Variants in AP3B1 observed in about 807,000 individuals in gnomAD.
AP3B1 encodes adaptor related protein complex 3 subunit beta 1.
Under a neutral mutation model 132.5 loss-of-function variants are expected in AP3B1, and 61 were observed. The ratio of observed to expected loss-of-function variants is 0.46; its 90% CI spans 0.37 to 0.57. AP3B1 has a LOEUF of 0.57. Among genes scored for constraint, AP3B1 ranks in the 20% least tolerant of loss-of-function variants. The pLI, the probability that AP3B1 is intolerant of heterozygous loss-of-function variation, is 0.00. For missense variants in AP3B1, 1,120 were observed against 1,289.4 expected (o/e 0.87, Z 2.01); for synonymous variants, 388 against 438.3 (o/e 0.89, Z 1.43).
intron 26 of AP3B1, among the ~76,000 whole-genome samples, chr5:78,006,456 C>T (rs185223064): frequency 4.6e-5 from 7 of 152,240 alleles, no homozygotes; most frequent in Non-Finnish European, 7.4e-5. Flanking sequence ...TGTAGTAATG[C>T]GTAATTCAAA....
intron 13 of AP3B1, among the ~76,000 whole-genome samples, chr5:78,161,596 T>C (rs903655188): frequency 6.6e-6 from 1 of 151,992 alleles, no homozygotes; most frequent in African/African-American, 2.4e-5. Flanking sequence ...TAGAAAGAGA[T>C]AGAATGGATG....
intron 12 of AP3B1, among the ~76,000 whole-genome samples, chr5:78,163,579 A>ATGTGTGTGTGTGTATATATATATG: frequency 6.8e-6 from 1 of 147,370 alleles, no homozygotes; most frequent in African/African-American, 2.5e-5. Context: ...TAAAGGGTAT[A>ATGTGTGTGTGTGTATATATATATG]TGTGTGTGTG....
At chr5:78,212,109 A>G (rs2112470255) in intron 7 of AP3B1, among the ~76,000 whole-genome samples, 1 of 152,248 alleles carries the variant, frequency 6.6e-6, no homozygotes, top group East Asian at 1.9e-4. Context: ...CCGAAACCCC[A>G]TCTCTACTAA....
intron 3 of AP3B1, among the ~76,000 whole-genome samples, chr5:78,232,466 G>T (rs1746686957): frequency 6.6e-6 from 1 of 152,116 alleles, no homozygotes; most frequent in Non-Finnish European, 1.5e-5. Flanking sequence ...ATCTACAGAT[G>T]ATATCAACCC....
chr5:78,084,966 C>T (rs934021147), intron 22 of AP3B1, among the ~76,000 whole-genome samples: 9 of 151,896 alleles, frequency 5.9e-5, no homozygotes, highest in African/African-American at 2.2e-4. Flanking sequence ...TACAAAATTC[C>T]TTAAATTGTT....
At chr5:78,179,428 G>A (rs932423035) in intron 8 of AP3B1, among the ~76,000 whole-genome samples, 1 of 151,948 alleles carries the variant, frequency 6.6e-6, no homozygotes, top group Non-Finnish European at 1.5e-5. Flanking sequence ...CTTTTTCCTC[G>A]GTATTTAGAA....
At chr5:78,126,255 A>G (rs1752449690) in intron 17 of AP3B1, among the ~76,000 whole-genome samples, 1 of 152,118 alleles carries the variant, frequency 6.6e-6, no homozygotes, top group Non-Finnish European at 1.5e-5. Flanking sequence ...CTGTAATCCC[A>G]GCACTTTGGT....
intron 6 of AP3B1, among the ~76,000 whole-genome samples, chr5:78,223,937 A>G (rs1424042011): frequency 1.3e-5 from 2 of 152,140 alleles, no homozygotes; most frequent in African/African-American, 4.8e-5. Context: ...CATCCAAAGA[A>G]TTTCTCTTAG....
intron 7 of AP3B1, among the ~76,000 whole-genome samples, chr5:78,212,315 C>A (rs1745774079): frequency 6.6e-6 from 1 of 151,914 alleles, no homozygotes; most frequent in Admixed American, 6.6e-5. Flanking sequence ...GAAAGTACAG[C>A]AAAAATGATA....
chr5:78,027,334 G>A (rs7717479), intron 24 of AP3B1, among the ~76,000 whole-genome samples: 152,096 of 152,252 alleles, frequency 1, 75,974 homozygotes, highest in Middle Eastern at 1. Flanking sequence ...TGCATGGTCT[G>A]TTCTTTCCCC....
At chr5:78,261,755 C>T (rs943224201) in intron 2 of AP3B1, among the ~76,000 whole-genome samples, 2 of 97,710 alleles carry the variant, frequency 2.0e-5, no homozygotes, top group African/African-American at 3.6e-5. Context: ...CATGAGCCAC[C>T]GGTTGTTGTT....
At chr5:78,164,671 A>T (rs1309602128) in intron 12 of AP3B1, among the ~76,000 whole-genome samples, 1 of 152,184 alleles carries the variant, frequency 6.6e-6, no homozygotes, top group Non-Finnish European at 1.5e-5. Flanking sequence ...TTTTTAAGAA[A>T]TTTGTCTAGA....
At chr5:78,229,649 G>A (rs1025146617) in intron 3 of AP3B1, among the ~76,000 whole-genome samples, 2 of 151,920 alleles carry the variant, frequency 1.3e-5, no homozygotes, top group Non-Finnish European at 1.5e-5. Context: ...TGAGATGGGA[G>A]AGTCACCTGA....
chr5:78,099,723 G>A (rs372016686), intron 21 of AP3B1, among the ~76,000 whole-genome samples: 90 of 151,960 alleles, frequency 5.9e-4, no homozygotes, highest in African/African-American at 2.1e-3. Flanking sequence ...AGTGAAACCC[G>A]CCTCTACTAA....
intron 22 of AP3B1, chr5:78,043,522 A>T (rs899199426): frequency 6.0e-6 from 2 of 335,158 alleles, no homozygotes; most frequent in African/African-American, 4.4e-5. Flanking sequence ...GTAATGGGAT[A>T]GGCTATGAAC....
intron 7 of AP3B1, among the ~76,000 whole-genome samples, chr5:78,199,865 G>A (rs1307788605): frequency 6.6e-6 from 1 of 151,656 alleles, no homozygotes; most frequent in African/African-American, 2.4e-5. Context: ...AGAAATAATT[G>A]GAATATAAAA....
intron 13 of AP3B1, among the ~76,000 whole-genome samples, chr5:78,156,648 G>A (rs111856662): frequency 1.4e-4 from 21 of 152,180 alleles, no homozygotes; most frequent in African/African-American, 5.1e-4. Context: ...AAAAGACGTT[G>A]GATTATGCTG....
chr5:78,103,832 C>T (rs918333746), intron 20 of AP3B1, among the ~76,000 whole-genome samples: 6 of 152,014 alleles, frequency 3.9e-5, no homozygotes, highest in Admixed American at 6.6e-5. Context: ...TAATGTATTT[C>T]ACTTCAAATA....
intron 13 of AP3B1, among the ~76,000 whole-genome samples, chr5:78,161,920 G>T (rs1032181738): frequency 6.6e-6 from 1 of 151,870 alleles, no homozygotes; most frequent in Non-Finnish European, 1.5e-5. Context: ...GTACTAAAAA[G>T]TTATTTTTCA....
Sources: allele counts gnomAD v4.1 joint callset (sites outside exome capture counted in the v4.1 genomes callset), GRCh38; gene constraint gnomAD v4.1.1; transcripts MANE v1.5; gene names NCBI Gene and HGNC (gene_info 2026-07-23, HGNC 2026-07-21).